The following VAV2 variants were observed in gnomAD, a reference collection of about 807,000 sequenced individuals.
VAV2 encodes vav guanine nucleotide exchange factor 2.
A neutral mutation model predicts 132.5 loss-of-function variants in VAV2; 67 were observed. That is an observed-to-expected ratio of 0.51 (90% CI 0.42 to 0.62). VAV2 has a LOEUF of 0.62. Ranked by LOEUF, VAV2 falls within the 20% of genes least tolerant of loss-of-function variation. The probability of loss-of-function intolerance (pLI) is 0.00; values close to 1 mark genes in which losing one functional copy is unlikely to be tolerated. For missense variants in VAV2, 938 were observed against 1,153.6 expected (o/e 0.81, Z 2.71); for synonymous variants, 492 against 443.5 (o/e 1.11, Z -1.37).
At chr9:133,775,383 G>A (rs1313704944) in intron 24 of VAV2, among the ~76,000 whole-genome samples, 1 of 152,232 alleles carries the variant, frequency 6.6e-6, no homozygotes, top group Non-Finnish European at 1.5e-5. Context: ...GAGGAGTTCA[G>A]CGTATTCAGT....
chr9:133,910,242 C>G (rs991011190), intron 2 of VAV2, among the ~76,000 whole-genome samples: 1 of 152,190 alleles, frequency 6.6e-6, no homozygotes, highest in Non-Finnish European at 1.5e-5. Context: ...GAGACTATGG[C>G]ACCGTCACCC....
intron 1 of VAV2, among the ~76,000 whole-genome samples, chr9:133,984,907 C>CAAA (rs35866348): frequency 1.6e-5 from 2 of 128,804 alleles, no homozygotes; most frequent in Non-Finnish European, 1.7e-5. Context: ...GGCCCTATCT[C>CAAA]AAAAAAAAAA....
chr9:133,784,874 T>C (rs1834154120), intron 17 of VAV2, among the ~76,000 whole-genome samples: 1 of 152,058 alleles, frequency 6.6e-6, no homozygotes, highest in African/African-American at 2.4e-5. Context: ...GTTGGATGGC[T>C]GGGGTGGGGT....
chr9:133,927,643 C>A (rs16763), intron 2 of VAV2, among the ~76,000 whole-genome samples: 57,838 of 151,930 alleles, frequency 0.38, 11,757 homozygotes, highest in East Asian at 0.6. Flanking sequence ...CCACTCCAAG[C>A]GGCCCCCAGA....
chr9:133,809,203 G>C, intron 6 of VAV2, 65 bp from the exon 7 acceptor site: 1 of 1,390,252 alleles, frequency 7.2e-7, no homozygotes. Context: ...CTGCACATCT[G>C]CACCGCGACA....
In VAV2 at chr9:133,788,456, G is replaced by A. The variant is rs771963894; in HGVS notation, c.1305C>T (p.Ile435=). 14 of 1,611,032 alleles carry A rather than the reference G, an allele frequency of 8.7e-6. No individual in the cohort carries two copies. Among genetic ancestry groups the A allele is most frequent in the East Asian group, 2.2e-5 (1 of 44,730 alleles). Residue 435 remains isoleucine, a synonymous_variant, in exon 15 of 30, where the codon ATC becomes ATT. Coordinates refer to ENST00000371850, the MANE Select transcript of VAV2 (RefSeq NM_001134398.2). The surrounding 1 kb of genome is among the most constrained non-coding windows in gnomAD (Gnocchi z 5.3). ...AGCTGTAGCCCTTCCGCTTGCAGAC[G>A]ATGACCACCTTGTCAAACAGGAACA... ...RYLFLFDKVV[I]VCKRKGYSYE... is the part of the protein sequence containing the mutation.
chr9:133,812,612 C>A (rs960367942), intron 4 of VAV2, among the ~76,000 whole-genome samples: 4 of 152,078 alleles, frequency 2.6e-5, no homozygotes, highest in Non-Finnish European at 5.9e-5. Context: ...GAACAGAAGC[C>A]TCTCTCCCCT....
chr9:133,825,578 C>A (rs1304584053), intron 4 of VAV2, among the ~76,000 whole-genome samples: 3 of 152,224 alleles, frequency 2.0e-5, no homozygotes, highest in African/African-American at 7.2e-5. Flanking sequence ...ACTCAGGCGT[C>A]CTCCACAACG....
rs139734629 is a variant in VAV2 at position 133,957,104 on chromosome 9, C to T, written c.205-17885G>A. ...GGTTCCTCACTCTGTGCAAGCCTAC[C>T]CTCTGGTGCTCTCCCGGTTAGGATG... is the stretch of plus-strand genomic sequence containing the variant. On this transcript the variant is annotated intron_variant, in intron 1 of 29. Coordinates refer to ENST00000371850, the MANE Select transcript of VAV2 (RefSeq NM_001134398.2). Among the ~76,000 whole-genome samples the T allele has an allele frequency of 1.7e-3, 262 of 152,298 alleles. 1 individual carries two copies. The highest frequency in any genetic ancestry group is 2.2e-3 in the Non-Finnish European group (152 of 68,034).
chr9:133,956,449 T>C (rs1028868126), intron 1 of VAV2, among the ~76,000 whole-genome samples: 2 of 152,200 alleles, frequency 1.3e-5, no homozygotes, highest in African/African-American at 4.8e-5. Context: ...CTGAGTTGTT[T>C]CTTCTTTTGC....
chr9:133,930,849 G>T (rs1166478736), intron 2 of VAV2, among the ~76,000 whole-genome samples: 1 of 152,212 alleles, frequency 6.6e-6, no homozygotes, highest in Non-Finnish European at 1.5e-5. Flanking sequence ...TTCAGAATCT[G>T]TAAGCAGCCA....
At chr9:133,944,266 C>T (rs556646007) in intron 1 of VAV2, among the ~76,000 whole-genome samples, 91 of 152,160 alleles carry the variant, frequency 6.0e-4, no homozygotes, top group South Asian at 2.9e-3. Context: ...TTACTGGCAA[C>T]GGGTCACCGG....
At chr9:133,812,945 C>T (rs1209756196) in intron 4 of VAV2, among the ~76,000 whole-genome samples, 1 of 152,204 alleles carries the variant, frequency 6.6e-6, no homozygotes, top group Non-Finnish European at 1.5e-5. Flanking sequence ...GATGCAGCTC[C>T]TTGGCTACAT....
intron 3 of VAV2, among the ~76,000 whole-genome samples, chr9:133,838,092 A>T (rs532652315): frequency 6.6e-6 from 1 of 152,214 alleles, no homozygotes; most frequent in Non-Finnish European, 1.5e-5. Context: ...GCAGGAGAAT[A>T]GAGGAGGCTT....
intron 8 of VAV2, among the ~76,000 whole-genome samples, 178 bp downstream of exon 8, chr9:133,807,080 C>A (rs562456260): frequency 4.5e-4 from 69 of 152,370 alleles, no homozygotes; most frequent in Non-Finnish European, 8.1e-4. Context: ...GCTACCCTGG[C>A]TCCTAAATCC....
At chr9:133,803,978 C>A (rs903277119) in intron 9 of VAV2, among the ~76,000 whole-genome samples, 3 of 152,146 alleles carry the variant, frequency 2.0e-5, no homozygotes, top group Admixed American at 2.0e-4. Context: ...GCTGTGCAGC[C>A]CTCACGGGTC....
intron 1 of VAV2, among the ~76,000 whole-genome samples, chr9:133,967,275 T>C (rs1300703113): frequency 6.6e-6 from 1 of 151,978 alleles, no homozygotes; most frequent in Non-Finnish European, 1.5e-5. Context: ...GGCAAGGATG[T>C]GGAGAAAGGG....
rs1839721775 is a variant in VAV2 at position 133,907,863 on chromosome 9, C to T, written c.321+31240G>A. ...GGGGGCGCCCCTCCCACCCCACCCCCTTTCCTTTACCGCCCTCCCCCAGAG... is the reference window on the plus strand; with the variant it reads ...GGGGGCGCCCCTCCCACCCCACCCCTTTTCCTTTACCGCCCTCCCCCAGAG... On this transcript the variant is annotated intron_variant, in intron 2 of 29. Coordinates refer to ENST00000371850, the MANE Select transcript of VAV2 (RefSeq NM_001134398.2). 2.1e-5 allele frequency among the ~76,000 whole-genome samples: 3 copies of T among 144,820 alleles called. No homozygotes were observed. In the South Asian group the frequency reaches 6.6e-4, roughly 32 times the overall value.
In VAV2 at chr9:133,861,415, C is replaced by G. The variant is rs146478460; in HGVS notation, c.339G>C (p.Ser113=). 6.2e-7 allele frequency: 1 copy of G among 1,613,298 alleles called. No individual in the cohort carries two copies. The highest frequency in any genetic ancestry group is 8.5e-7 in the Non-Finnish European group (1 of 1,179,806). The change falls in exon 3 of 30, where the codon TCG becomes TCC. Residue 113 remains serine (S), a synonymous_variant. Coordinates refer to ENST00000371850, the MANE Select transcript of VAV2 (RefSeq NM_001134398.2). ...RDFGKVISAV[S]RLSLHSIAQN... ...GCGCGATGCTGTGCAGGGAGAGCCT[C>G]GACACCGCGGAGATGACCTGGGGGA... is the stretch of plus-strand genomic sequence containing the variant.
Sources: gnomAD v4.1 joint callset for allele counts (sites outside exome capture counted in the v4.1 genomes callset) on GRCh38, gnomAD v4.1.1 for gene constraint, Gnocchi (gnomAD v3.1) non-coding constraint, MANE v1.5 for transcripts, NCBI Gene and HGNC (gene_info 2026-07-23, HGNC 2026-07-21) for gene names.